Variants in NCOR1 observed in about 807,000 individuals in gnomAD.
The protein encoded by NCOR1 is protein phosphatase 1, regulatory subunit 109.
Under a neutral mutation model 288.1 loss-of-function variants are expected in NCOR1, and 63 were observed. The observed-to-expected ratio is 0.22, with a 90% CI of 0.18 to 0.27. The LOEUF (loss-of-function observed/expected upper bound fraction) is 0.27. Among genes scored for constraint, NCOR1 ranks in the 10% least tolerant of loss-of-function variants. The pLI, the probability that NCOR1 is intolerant of heterozygous loss-of-function variation, is 1.00. For synonymous variants in NCOR1, 1,007 were observed against 1,065.9 expected, an observed-to-expected ratio of 0.94 and a Z score of 1.08; for missense variants, 2,397 against 3,019.2, an observed-to-expected ratio of 0.79 and a Z score of 4.83.
At position 16,194,562 on chromosome 17, in the gene NCOR1, C is replaced by T. The variant is rs1223191004; in HGVS notation, c.8G>A (p.Ser3Asn). 2.5e-6 allele frequency: 4 copies of T among 1,595,434 alleles called. No homozygotes were observed. The highest frequency in any genetic ancestry group is 3.4e-6 in the Non-Finnish European group (4 of 1,168,204). Residue 3 changes from serine to asparagine, a missense_variant, in exon 2 of 46, where the codon AGT becomes AAT. Around this residue, in one of 11 missense-constraint regions of NCOR1, gnomAD observed 55 missense variants for 69.6 expected, o/e 0.79. Coordinates refer to ENST00000268712, the MANE Select transcript of NCOR1 (RefSeq NM_006311.4). MS[S>N]SGYPPNQGAF... ...TCCTTGGTTGGGAGGATAACCTGAA[C>T]TTGACATTATCAGTAAAGAAGTCCT...
chr17:16,098,338 T>TA (rs757251342), intron 21 of NCOR1, 29 bp downstream of exon 21: 2 of 1,606,914 alleles, frequency 1.2e-6, no homozygotes, highest in Non-Finnish European at 1.7e-6. Context: ...TTTTCATATT[T>TA]AGTTTTCTTC....
At chr17:16,125,680 C>T (rs1322662028) in intron 15 of NCOR1, among the ~76,000 whole-genome samples, 3 of 116,672 alleles carry the variant, frequency 2.6e-5, no homozygotes, top group African/African-American at 1.0e-4. Context: ...CCAGCCTGGG[C>T]AACAGAGCGA....
intron 3 of NCOR1, among the ~76,000 whole-genome samples, chr17:16,181,218 T>TGTGC: frequency 7.4e-6 from 1 of 135,692 alleles, no homozygotes; most frequent in South Asian, 2.4e-4. Flanking sequence ...TGTATGTGTG[T>TGTGC]GTGTGTGTGT....
intron 1 of NCOR1, among the ~76,000 whole-genome samples, chr17:16,194,956 A>G (rs1232484018): frequency 6.6e-6 from 1 of 152,254 alleles, no homozygotes; most frequent in East Asian, 1.9e-4. Context: ...AAATATAAAG[A>G]CAAAAATACA....
At chr17:16,145,340 G>A (rs2077737807) in intron 10 of NCOR1, among the ~76,000 whole-genome samples, 1 of 151,010 alleles carries the variant, frequency 6.6e-6, no homozygotes, top group African/African-American at 2.5e-5. Context: ...GAAGTGAGGA[G>A]CGTCTCTGCC....
At chr17:16,179,003 T>G (rs911056217) in intron 3 of NCOR1, among the ~76,000 whole-genome samples, 1 of 152,092 alleles carries the variant, frequency 6.6e-6, no homozygotes, top group Non-Finnish European at 1.5e-5. Flanking sequence ...AATCGGAGGC[T>G]GAGGCAGAAG....
rs1568199481 is a variant in NCOR1, at chr17:16,127,379, ATGTATGTATATATACATGTGTATATG to A, written c.1510-1199_1510-1174del. The stretch of plus-strand genomic sequence containing the variant: ...TATGTATATATACATGTATGTATAT[ATGTATGTATATATACATGTGTATATG>A]TGTATGTATATATACATGTGTATAT... On this transcript the variant is annotated intron_variant, in intron 14 of 45. Transcript: ENST00000268712. 1.6e-3 allele frequency among the ~76,000 whole-genome samples: 57 copies of A among 34,832 alleles called. 11 individuals carry two copies. The highest frequency in any genetic ancestry group is 4.0e-3 in the Admixed American group (15 of 3,728). The allele number at this position is 34,832 out of a possible 152,430, so 22.9% of individuals were successfully genotyped here.
intron 2 of NCOR1, among the ~76,000 whole-genome samples, chr17:16,193,587 G>A (rs2089084188): frequency 6.6e-6 from 1 of 152,050 alleles, no homozygotes; most frequent in African/African-American, 2.4e-5. Context: ...GTAATCGGAT[G>A]AATAACACTG....
At chr17:16,089,427 T>C (rs747120426) in intron 22 of NCOR1, among the ~76,000 whole-genome samples, 1 of 152,156 alleles carries the variant, frequency 6.6e-6, no homozygotes, top group Non-Finnish European at 1.5e-5. Flanking sequence ...TACTGGTAAG[T>C]GAAAACAATT....
chr17:16,213,938 T>C (rs2092355331), intron 1 of NCOR1, among the ~76,000 whole-genome samples: 1 of 152,246 alleles, frequency 6.6e-6, no homozygotes, highest in African/African-American at 2.4e-5. Flanking sequence ...GAGCATTTTA[T>C]ACATAGCTAT....
chr17:16,156,415 G>A (rs1292075169), intron 6 of NCOR1, among the ~76,000 whole-genome samples: 1 of 147,672 alleles, frequency 6.8e-6, no homozygotes, highest in African/African-American at 2.5e-5. Context: ...CAACCTCGGG[G>A]ACGAAGCAAA....
chr17:16,142,982 C>T (rs1243003105), intron 11 of NCOR1, among the ~76,000 whole-genome samples: 1 of 152,182 alleles, frequency 6.6e-6, no homozygotes. Flanking sequence ...TGAATCTCCT[C>T]CATATATAAA....
intron 1 of NCOR1, among the ~76,000 whole-genome samples, chr17:16,211,210 G>A (rs1295860853): frequency 1.3e-5 from 2 of 151,930 alleles, no homozygotes; most frequent in Non-Finnish European, 2.9e-5. Flanking sequence ...AACAAGACTA[G>A]ATAATCTGAC....
intron 3 of NCOR1, among the ~76,000 whole-genome samples, chr17:16,182,611 C>T (rs187243943): frequency 3.9e-5 from 6 of 152,082 alleles, no homozygotes; most frequent in South Asian, 4.1e-4. Context: ...CCCACCACCA[C>T]GCCCGGCTAA....
At chr17:16,057,193 A>G in intron 40 of NCOR1, 1 of 275,578 alleles carries the variant, frequency 3.6e-6, no homozygotes, top group Non-Finnish European at 7.0e-6. Context: ...GAGACAGATA[A>G]ATATGAGAGG....
chr17:16,062,332 G>T (rs2152628095), intron 35 of NCOR1, 62 bp from the exon 36 acceptor site: 1 of 1,478,572 alleles, frequency 6.8e-7, no homozygotes, highest in East Asian at 2.3e-5. Flanking sequence ...ACAAAAGGAA[G>T]CAATGCTTAT....
At chr17:16,214,890 G>A (rs1431839393) in intron 1 of NCOR1, among the ~76,000 whole-genome samples, 7 of 152,222 alleles carry the variant, frequency 4.6e-5, no homozygotes, top group Non-Finnish European at 8.8e-5. Context: ...CTGTTAGAAA[G>A]GTGAACTAAT....
chr17:16,143,383 T>G (rs1228228900), intron 11 of NCOR1, among the ~76,000 whole-genome samples: 3 of 152,146 alleles, frequency 2.0e-5, no homozygotes, highest in African/African-American at 7.2e-5. Flanking sequence ...TCCTCACCTC[T>G]CTCCAGGTCT....
chr17:16,144,907 C>T (rs890997509), intron 10 of NCOR1, among the ~76,000 whole-genome samples: 11 of 150,058 alleles, frequency 7.3e-5, no homozygotes, highest in Non-Finnish European at 1.3e-4. Context: ...TCCACGGTCT[C>T]CCCTCTCCCT....
Sources: allele counts gnomAD v4.1 joint callset (sites outside exome capture counted in the v4.1 genomes callset), GRCh38; gene constraint gnomAD v4.1.1; regional missense constraint gnomAD v4.1.1; transcripts MANE v1.5; gene names NCBI Gene and HGNC (gene_info 2026-07-23, HGNC 2026-07-21).